ZNF568: variants seen among roughly 807,000 people sequenced by gnomAD.
The protein encoded by ZNF568 is zinc finger protein 568, also known as p53 inhibitor of SCO2 activation.
Under a neutral mutation model 18.1 loss-of-function variants are expected in ZNF568, and 11 were observed. The observed-to-expected ratio is 0.61, with a 90% CI of 0.38 to 1.00. The LOEUF (loss-of-function observed/expected upper bound fraction) is 1.00, where lower values mean the gene tolerates loss of function less well. Among genes scored for constraint, ZNF568 ranks in the 50% least tolerant of loss-of-function variants. The pLI is 0.01. For synonymous variants in ZNF568, 213 were observed against 246.6 expected (o/e 0.86, Z 1.28); for missense variants, 639 against 768.2 (o/e 0.83, Z 1.99).
At chr19:36,933,898 G>GTTTTT (rs200880642) in intron 4 of ZNF568, among the ~76,000 whole-genome samples, 14 of 25,762 alleles carry the variant, frequency 5.4e-4, no homozygotes, top group African/African-American at 2.8e-3. Flanking sequence ...CTTTTGGGTA[G>GTTTTT]GTTTTTTTTT....
chr19:36,986,211 T>C (rs2146345012), intron 2 of ZNF568, among the ~76,000 whole-genome samples: 1 of 152,272 alleles, frequency 6.6e-6, no homozygotes, highest in South Asian at 2.1e-4. Context: ...GTCAGGCAGT[T>C]TTCCTAGCGG....
downstream of ZNF568, among the ~76,000 whole-genome samples, chr19:36,984,810 T>A (rs921648351): frequency 3.3e-5 from 5 of 150,674 alleles, no homozygotes; most frequent in African/African-American, 1.2e-4. Flanking sequence ...CAATCAGACT[T>A]TTTTTTTTCT....
intron 6 of ZNF568, among the ~76,000 whole-genome samples, chr19:36,959,180 G>T (rs994209428): frequency 2.6e-5 from 4 of 152,058 alleles, no homozygotes; most frequent in Non-Finnish European, 4.4e-5. Flanking sequence ...ATTATTCTGA[G>T]GTATGTACCT....
At chr19:36,975,222 A>G (rs970694197) in intron 7 of ZNF568, among the ~76,000 whole-genome samples, 1 of 146,530 alleles carries the variant, frequency 6.8e-6, no homozygotes, top group Non-Finnish European at 1.5e-5. Context: ...ATCTCGGCTC[A>G]CTGCAACCTC....
At chr19:36,990,386 G>T (rs922458554) in intron 2 of ZNF568, among the ~76,000 whole-genome samples, 2 of 152,166 alleles carry the variant, frequency 1.3e-5, no homozygotes, top group Non-Finnish European at 2.9e-5. Flanking sequence ...AGGCCAAGGC[G>T]GGTAGATCAC....
rs71266561 is a variant in ZNF568, at chr19:36,975,136, A to ATTTCTTTC, written c.405+682_405+689dup. 5.8e-3 allele frequency among the ~76,000 whole-genome samples: 775 copies of ATTTCTTTC among 134,704 alleles called. 13 individuals carry two copies. The highest frequency in any genetic ancestry group is 0.021 in the African/African-American group (727 of 34,344). The allele number at this position is 134,704 out of a possible 152,430, so 88.4% of individuals were successfully genotyped here. Reference sequence around the variant, plus strand: ...GCCATCTTGCACGGCCCGCTTATCAATTTCTTTCTTTCTTTCTTTTTTTTT... The same window carrying ATTTCTTTC: ...GCCATCTTGCACGGCCCGCTTATCAATTTCTTTCTTTCTTTCTTTCTTTCTTTTTTTTT... On this transcript the variant is annotated intron_variant, in intron 7 of 7. Coordinates refer to the ZNF568 transcript ENST00000427117.
At chr19:36,988,064 T>C (rs1436037806) in intron 2 of ZNF568, among the ~76,000 whole-genome samples, 1 of 152,094 alleles carries the variant, frequency 6.6e-6, no homozygotes, top group Non-Finnish European at 1.5e-5. Flanking sequence ...AGCTATTATC[T>C]ATGTGTTAGT....
intron 6 of ZNF568, among the ~76,000 whole-genome samples, chr19:36,960,583 G>A (rs1024493015): frequency 3.3e-5 from 5 of 151,804 alleles, no homozygotes; most frequent in Admixed American, 2.0e-4. Flanking sequence ...ACAAAAATTA[G>A]CTGGGGTGGT....
chr19:36,985,653 T>G (rs1667349), intron 2 of ZNF568, among the ~76,000 whole-genome samples: 81,003 of 151,824 alleles, frequency 0.53, 22,132 homozygotes, highest in African/African-American at 0.62. Context: ...CTCCCAAGTA[T>G]CTGGGACTAC....
chr19:36,933,932 T>TTTTTTTTG (rs2073741270), intron 4 of ZNF568, among the ~76,000 whole-genome samples: 1 of 138,604 alleles, frequency 7.2e-6, no homozygotes, highest in East Asian at 2.0e-4. Flanking sequence ...TTGTTTTTTT[T>TTTTTTTTG]TTTTTTTTTT....
intron 6 of ZNF568, among the ~76,000 whole-genome samples, chr19:36,968,065 T>A (rs961696169): frequency 6.6e-6 from 1 of 152,162 alleles, no homozygotes; most frequent in African/African-American, 2.4e-5. Context: ...ATCTAAGATG[T>A]CCTACAAAGC....
intron 6 of ZNF568, among the ~76,000 whole-genome samples, chr19:36,963,414 C>G (rs1057161664): frequency 2.6e-5 from 4 of 152,134 alleles, no homozygotes; most frequent in Admixed American, 1.3e-4. Context: ...AGTGCCAGAA[C>G]AAATGGCAAA....
chr19:36,937,961 C>G lies in ZNF568; in HGVS notation c.358+719C>G, dbSNP rs374920511. Reference sequence around the variant, plus strand: ...CTCTTATCCTGGACATGGTCCCTTCCTTTCCACAGTTGCATACACTTCTTT... The same window carrying G: ...CTCTTATCCTGGACATGGTCCCTTCGTTTCCACAGTTGCATACACTTCTTT... On this transcript the variant is annotated intron_variant, in intron 6 of 6. Transcript: ENST00000333987. Among the ~76,000 whole-genome samples, 71 of 152,300 alleles carry G rather than the reference C, an allele frequency of 4.7e-4. 1 individual carries two copies. The South Asian group carries it at 0.014, about 29-fold the overall frequency.
chr19:36,935,552 T>A, intron 4 of ZNF568, among the ~76,000 whole-genome samples: 1 of 116,650 alleles, frequency 8.6e-6, no homozygotes, highest in Non-Finnish European at 1.8e-5. Context: ...AGACTGAGAC[T>A]CTGTATCAAA....
At chr19:36,918,830 C>T (rs1424514715) in intron 2 of ZNF568, among the ~76,000 whole-genome samples, 1 of 152,186 alleles carries the variant, frequency 6.6e-6, no homozygotes, top group Admixed American at 6.5e-5. Context: ...TACCATTCTA[C>T]TTTCTGTCTC....
intron 6 of ZNF568, among the ~76,000 whole-genome samples, chr19:36,944,374 G>C (rs2073929974): frequency 6.7e-6 from 1 of 148,716 alleles, no homozygotes; most frequent in African/African-American, 2.5e-5. Context: ...CTCCAGCCTG[G>C]ACAACAAGAG....
chr19:36,952,146 T>A lies in ZNF568; in HGVS notation c.*1058T>A, dbSNP rs2074070182. The A allele has an allele frequency of 1.7e-5, 6 of 359,096 alleles. No homozygotes were observed. Among genetic ancestry groups the A allele is most frequent in the Non-Finnish European group, 2.3e-5 (6 of 260,692 alleles). 22.2% of individuals were successfully genotyped at this position (359,096 alleles called of 1,614,324 possible). A position where few individuals can be genotyped will look rare whatever the true frequency, so the allele number is the denominator to read the frequency against. On this transcript the variant is annotated 3_prime_UTR_variant, in exon 7 of 7. Coordinates refer to ENST00000333987, the MANE Select transcript of ZNF568 (RefSeq NM_198539.4). ...ATGCATAAGAAATATATATATAATATATGTATGTATGTATAGCCAGATGCA... is the reference window on the plus strand; with the variant it reads ...ATGCATAAGAAATATATATATAATAAATGTATGTATGTATAGCCAGATGCA...
chr19:36,941,409 G>A (rs1338388255), intron 6 of ZNF568, among the ~76,000 whole-genome samples: 3 of 152,150 alleles, frequency 2.0e-5, no homozygotes, highest in African/African-American at 7.2e-5. Flanking sequence ...ATCAAAGATG[G>A]CTTGCCTCCT....
rs2074043845 is a variant in ZNF568, at chr19:36,950,632, G to C, written c.1479G>C (p.Gln493His). The change falls in exon 7 of 7, where the codon CAG (glutamine) becomes CAC (histidine). Residue 493 changes from glutamine to histidine, a missense_variant. Gln to His is a conservative substitution (Grantham distance 24). Transcript: ENST00000333987. ...FIQMSNLIRHQRIHTGEKPYA... is the reference protein window; with the variant it reads ...FIQMSNLIRHHRIHTGEKPYA... Reference sequence around the variant, plus strand: ...AGATGTCAAACCTCATTCGACACCAGAGAATTCATACGGGTGAGAAACCCT... The same window carrying C: ...AGATGTCAAACCTCATTCGACACCACAGAATTCATACGGGTGAGAAACCCT... The C allele has an allele frequency of 6.2e-7, 1 of 1,613,944 alleles. No homozygotes were observed. Among genetic ancestry groups the C allele is most frequent in the Non-Finnish European group, 8.5e-7 (1 of 1,179,904 alleles).
Sources: allele counts gnomAD v4.1 joint callset (sites outside exome capture counted in the v4.1 genomes callset), GRCh38; gene constraint gnomAD v4.1.1; transcripts MANE v1.5; gene names NCBI Gene and HGNC (gene_info 2026-07-23, HGNC 2026-07-21).